Variants in KIAA0319L observed in about 807,000 individuals in gnomAD.
KIAA0319L encodes the protein dyslexia-associated protein KIAA0319-like protein.
Under a neutral mutation model 120.1 loss-of-function variants are expected in KIAA0319L, and 55 were observed. The ratio of observed to expected loss-of-function variants is 0.46; its 90% CI spans 0.37 to 0.57. KIAA0319L has a LOEUF of 0.57. KIAA0319L is among the 20% of genes least tolerant of loss of function. KIAA0319L has a pLI of 0.00. For synonymous variants in KIAA0319L, 398 were observed against 471.9 expected (o/e 0.84, Z 2.03); for missense variants, 1,049 against 1,255.3 (o/e 0.84, Z 2.48).
chr1:35,534,108 G>C (rs1646476365), intron 2 of KIAA0319L, among the ~76,000 whole-genome samples: 1 of 152,212 alleles, frequency 6.6e-6, no homozygotes, highest in African/African-American at 2.4e-5. Flanking sequence ...AGGTTGGATT[G>C]AAAGGTGGCA....
At chr1:35,490,432 A>G (rs995969854) in intron 3 of KIAA0319L, among the ~76,000 whole-genome samples, 6 of 152,302 alleles carry the variant, frequency 3.9e-5, no homozygotes, top group African/African-American at 1.4e-4. Flanking sequence ...AAAATATCCA[A>G]CACCCCAGTA....
chr1:35,440,448 T>C (rs549093333), intron 20 of KIAA0319L: 1 of 153,172 alleles, frequency 6.5e-6, no homozygotes, highest in South Asian at 2.1e-4. Context: ...CCATGATGAG[T>C]GAAACCCTCG....
chr1:35,476,039 G>A (rs1382726323), intron 4 of KIAA0319L, among the ~76,000 whole-genome samples: 1 of 152,148 alleles, frequency 6.6e-6, no homozygotes, highest in East Asian at 1.9e-4. Context: ...AATCTTCCCA[G>A]ACCATTTCAG....
chr1:35,448,759 A>C (rs576277056), intron 15 of KIAA0319L, among the ~76,000 whole-genome samples: 1 of 152,306 alleles, frequency 6.6e-6, no homozygotes, highest in Non-Finnish European at 1.5e-5. Flanking sequence ...TTTGTGCACA[A>C]CAATGGGAGG....
chr1:35,489,050 T>C (rs1330199047), intron 3 of KIAA0319L, among the ~76,000 whole-genome samples: 1 of 152,210 alleles, frequency 6.6e-6, no homozygotes, highest in African/African-American at 2.4e-5. Context: ...CATCAAGTTC[T>C]GAGACTGAAA....
intron 2 of KIAA0319L, among the ~76,000 whole-genome samples, chr1:35,517,383 G>A (rs1645728788): frequency 6.6e-6 from 1 of 152,076 alleles, no homozygotes; most frequent in African/African-American, 2.4e-5. Context: ...CAACGGAACA[G>A]AATAGAGAGC....
chr1:35,553,982 C>CTACA, intron 2 of KIAA0319L, among the ~76,000 whole-genome samples: 1 of 152,194 alleles, frequency 6.6e-6, no homozygotes, highest in Admixed American at 6.5e-5. Context: ...GAGTGCTGTG[C>CTACA]TACATGCTTT....
At chr1:35,464,730 C>A (rs1373196891) in intron 7 of KIAA0319L, among the ~76,000 whole-genome samples, 3 of 152,186 alleles carry the variant, frequency 2.0e-5, no homozygotes, top group Admixed American at 6.5e-5. Flanking sequence ...CTCACAGGGG[C>A]TGGAGGCCTG....
intron 4 of KIAA0319L, among the ~76,000 whole-genome samples, chr1:35,476,321 C>A (rs1291891295): frequency 6.6e-6 from 1 of 152,164 alleles, no homozygotes; most frequent in African/African-American, 2.4e-5. Context: ...TTGCAGACCA[C>A]TGAAAGCCAC....
At chr1:35,497,131 G>A (rs1047256045) in intron 3 of KIAA0319L, among the ~76,000 whole-genome samples, 2 of 152,074 alleles carry the variant, frequency 1.3e-5, no homozygotes, top group South Asian at 2.1e-4. Flanking sequence ...GCCTAGGACT[G>A]GGGGTGGGAA....
At position 35,516,452 on chromosome 1, in the gene KIAA0319L, C is replaced by T. The variant is rs377380646; in HGVS notation, c.143-9317G>A. Reference sequence around the variant, plus strand: ...TAAAAAGAACTAAAGACAAAAACCACAGGATTATCTCAATAGGTACAGAAA... The same window carrying T: ...TAAAAAGAACTAAAGACAAAAACCATAGGATTATCTCAATAGGTACAGAAA... On this transcript the variant is annotated intron_variant, in intron 2 of 20. Coordinates refer to ENST00000325722, the MANE Select transcript of KIAA0319L (RefSeq NM_024874.5). Among the ~76,000 whole-genome samples the T allele has an allele frequency of 1.4e-3, 220 of 152,288 alleles. 3 individuals carry two copies. The South Asian group carries it at 0.016, about 11-fold the overall frequency.
chr1:35,502,276 G>GA (rs1213650955), intron 3 of KIAA0319L, among the ~76,000 whole-genome samples: 1,418 of 86,740 alleles, frequency 0.016, 8 homozygotes, highest in Middle Eastern at 0.057. Flanking sequence ...TCTGTCTCAA[G>GA]AAAAAAAAAA....
chr1:35,444,760 A>G (rs1242444066), intron 16 of KIAA0319L, among the ~76,000 whole-genome samples: 5 of 152,358 alleles, frequency 3.3e-5, no homozygotes, highest in South Asian at 2.1e-4. Context: ...AGTTTACTTG[A>G]AAGACAAACC....
intron 4 of KIAA0319L, among the ~76,000 whole-genome samples, chr1:35,476,493 C>T (rs2149135199): frequency 6.6e-6 from 1 of 152,276 alleles, no homozygotes; most frequent in Non-Finnish European, 1.5e-5. Context: ...ATTTATCCGC[C>T]TCTGCATGGG....
At chr1:35,447,742 T>C (rs1265829890) in intron 16 of KIAA0319L, among the ~76,000 whole-genome samples, 1 of 152,054 alleles carries the variant, frequency 6.6e-6, no homozygotes, top group Non-Finnish European at 1.5e-5. Context: ...TGGCTAATTT[T>C]TAAATCTTCT....
intron 2 of KIAA0319L, among the ~76,000 whole-genome samples, chr1:35,540,191 G>C (rs1429348786): frequency 6.6e-6 from 1 of 152,188 alleles, no homozygotes; most frequent in Non-Finnish European, 1.5e-5. Flanking sequence ...GCCTTGGCTG[G>C]CATTCCTCCC....
At chr1:35,539,135 A>T (rs142098600) in intron 2 of KIAA0319L, among the ~76,000 whole-genome samples, 2,037 of 152,216 alleles carry the variant, frequency 0.013, 50 homozygotes, top group African/African-American at 0.045. Context: ...TCGTACACAT[A>T]CGGCCTTTAC....
At chr1:35,557,428 A>G (rs1648286915), upstream of KIAA0319L, 5 of 330,042 alleles carry the variant, frequency 1.5e-5, no homozygotes, top group Admixed American at 1.3e-4. Flanking sequence ...CCTCCCCGGG[A>G]CCGACCCGGA....
rs578175661 is a variant in KIAA0319L at position 35,523,912 on chromosome 1, G to A, written c.143-16777C>T. 5.9e-5 allele frequency among the ~76,000 whole-genome samples: 9 copies of A among 152,268 alleles called. No individual in the cohort carries two copies. In the South Asian group the frequency reaches 1.9e-3, roughly 32 times the overall value. On this transcript the variant is annotated intron_variant, in intron 2 of 20. Transcript: ENST00000325722. ...CTAGTCACAGTTTAAAAGTTGGGAG[G>A]GGAGGGAGAGTTAAGTGCAAGTGAG... is the stretch of plus-strand genomic sequence containing the variant.
Sources: gnomAD v4.1 joint callset for allele counts (sites outside exome capture counted in the v4.1 genomes callset) on GRCh38, gnomAD v4.1.1 for gene constraint, MANE v1.5 for transcripts, NCBI Gene and HGNC (gene_info 2026-07-23, HGNC 2026-07-21) for gene names.